The following SPAG16 variants were observed in gnomAD, a reference collection of about 807,000 sequenced individuals.
The protein encoded by SPAG16 is sperm associated antigen 16, also known as sperm-associated antigen 16 protein.
SPAG16 carries 86 observed loss-of-function variants against 80.4 expected under a neutral mutation model. The ratio of observed to expected loss-of-function variants is 1.07; its 90% CI spans 0.90 to 1.28. The LOEUF (loss-of-function observed/expected upper bound fraction) is 1.28, where lower values mean the gene tolerates loss of function less well. SPAG16 is among the 50% of genes most tolerant of loss of function. The pLI, the probability that SPAG16 is intolerant of heterozygous loss-of-function variation, is 0.00. For synonymous variants in SPAG16, 294 were observed against 265.9 expected (o/e 1.11, Z -1.03); for missense variants, 870 against 765.3 (o/e 1.14, Z -1.61).
chr2:213,656,121 G>A (rs2063211805), intron 10 of SPAG16, among the ~76,000 whole-genome samples: 1 of 152,246 alleles, frequency 6.6e-6, no homozygotes, highest in South Asian at 2.1e-4. Context: ...AGACTAAAGT[G>A]AGTATCTTTA....
At chr2:214,231,140 ACAG>A (rs1190559247) in intron 15 of SPAG16, among the ~76,000 whole-genome samples, 1 of 151,966 alleles carries the variant, frequency 6.6e-6, no homozygotes, top group Non-Finnish European at 1.5e-5. Context: ...ATGTCCCAGA[ACAG>A]TGCTTAATGG....
At chr2:213,838,524 A>G (rs568918207) in intron 10 of SPAG16, among the ~76,000 whole-genome samples, 63 of 152,358 alleles carry the variant, frequency 4.1e-4, no homozygotes, top group African/African-American at 1.4e-3. Flanking sequence ...ATTGTAGCCT[A>G]TACCTCATTG....
At chr2:214,392,604 C>G (rs1446906400) in intron 15 of SPAG16, among the ~76,000 whole-genome samples, 1 of 151,524 alleles carries the variant, frequency 6.6e-6, no homozygotes, top group South Asian at 2.1e-4. Context: ...ATGCATTTGA[C>G]CTGGGGAAGA....
chr2:213,647,506 G>A (rs1025096062), intron 10 of SPAG16, among the ~76,000 whole-genome samples: 21 of 152,202 alleles, frequency 1.4e-4, no homozygotes, highest in African/African-American at 5.1e-4. Flanking sequence ...CAGAGTAGGG[G>A]ATGGTGTGTT....
At chr2:214,177,916 C>CATATACATATATATATATATACATAT (rs2057154263) in intron 15 of SPAG16, among the ~76,000 whole-genome samples, 1 of 92,204 alleles carries the variant, frequency 1.1e-5, no homozygotes, top group African/African-American at 4.6e-5. Context: ...TATATATATA[C>CATATACATATATATATATATACATAT]ATATATATAT....
chr2:213,667,086 T>C (rs1004714259), intron 10 of SPAG16, among the ~76,000 whole-genome samples: 1 of 152,218 alleles, frequency 6.6e-6, no homozygotes, highest in Admixed American at 6.5e-5. Context: ...CCAAGTCATA[T>C]TCTTCTTTTT....
chr2:214,399,583 ATAT>A lies in SPAG16; in HGVS notation c.1721-10553_1721-10551del, dbSNP rs1260983870. Among the ~76,000 whole-genome samples, 7 of 152,184 alleles carry A rather than the reference ATAT, an allele frequency of 4.6e-5. No individual in the cohort carries two copies. In the East Asian group the frequency reaches 5.8e-4, roughly 13 times the overall value. ...GTACATTAAGAGAACAACTCCCAAA[ATAT>A]TATAACTCTGACTTTTAGAGTCTTA... On this transcript the variant is annotated intron_variant, in intron 15 of 15. Transcript: ENST00000331683.
intron 10 of SPAG16, among the ~76,000 whole-genome samples, chr2:213,804,656 T>C (rs1031750985): frequency 4.6e-5 from 7 of 152,016 alleles, no homozygotes; most frequent in Non-Finnish European, 4.4e-5. Context: ...GCAGTCCAGC[T>C]TGGGCGACAG....
At chr2:213,389,384 C>T (rs1297483217) in intron 9 of SPAG16, among the ~76,000 whole-genome samples, 1 of 151,992 alleles carries the variant, frequency 6.6e-6, no homozygotes, top group Non-Finnish European at 1.5e-5. Context: ...ACACAAAAGG[C>T]ACAGGCAACA....
At chr2:213,804,275 G>T (rs1473278942) in intron 10 of SPAG16, among the ~76,000 whole-genome samples, 1 of 152,146 alleles carries the variant, frequency 6.6e-6, no homozygotes, top group Admixed American at 6.5e-5. Context: ...ACAAACCCAT[G>T]CCTTAGGTGA....
intron 12 of SPAG16, among the ~76,000 whole-genome samples, chr2:213,951,321 TAGAAATG>T (rs2079766474): frequency 6.6e-6 from 1 of 152,166 alleles, no homozygotes; most frequent in Non-Finnish European, 1.5e-5. Flanking sequence ...AACATTCAAA[TAGAAATG>T]TCAATTATAA....
At position 214,291,557 on chromosome 2, in the gene SPAG16, G is replaced by A. The variant is rs575484281; in HGVS notation, c.1721-118583G>A. On this transcript the variant is annotated intron_variant, in intron 15 of 15. Coordinates refer to ENST00000331683, the MANE Select transcript of SPAG16 (RefSeq NM_024532.5). ...CCTGACCTCGTGATCCGCCCGCCTC[G>A]GCCTCCCAAAGTGCTGGGATTACAG... Among the ~76,000 whole-genome samples the A allele has an allele frequency of 1.2e-3, 183 of 151,732 alleles. 2 individuals are homozygous for A. Among genetic ancestry groups the A allele is most frequent in the African/African-American group, 4.2e-3 (175 of 41,396 alleles).
chr2:213,962,237 A>C (rs539244866), intron 12 of SPAG16, among the ~76,000 whole-genome samples: 1 of 149,036 alleles, frequency 6.7e-6, no homozygotes, highest in Admixed American at 6.8e-5. Context: ...TCTGTTGCCC[A>C]GGCTGGAGTG....
At chr2:214,343,068 A>G (rs184269894) in intron 15 of SPAG16, among the ~76,000 whole-genome samples, 31 of 152,350 alleles carry the variant, frequency 2.0e-4, no homozygotes, top group Middle Eastern at 3.4e-3. Flanking sequence ...ACATGTTACA[A>G]AATGGGAAGG....
chr2:213,914,924 A>G (rs1259616540), intron 11 of SPAG16, among the ~76,000 whole-genome samples: 1 of 152,284 alleles, frequency 6.6e-6, no homozygotes, highest in Admixed American at 6.5e-5. Context: ...ATTTTGTCCT[A>G]TTCTGTAGTG....
chr2:213,989,848 G>A (rs1488995771), intron 12 of SPAG16, among the ~76,000 whole-genome samples: 1 of 152,036 alleles, frequency 6.6e-6, no homozygotes, highest in East Asian at 1.9e-4. Flanking sequence ...AATGAGCCCA[G>A]AGTCCAAGCC....
At position 214,410,368 on chromosome 2, in the gene SPAG16, T is replaced by G; in HGVS notation, c.*53T>G. 1.3e-6 allele frequency: 2 copies of G among 1,502,534 alleles called. No individual in the cohort carries two copies. The highest frequency in any genetic ancestry group is 1.8e-6 in the Non-Finnish European group (2 of 1,108,174). The allele number at this position is 1,502,534 out of a possible 1,614,324, so 93.1% of individuals were successfully genotyped here. A position where few individuals can be genotyped will look rare whatever the true frequency, so the allele number is the denominator to read the frequency against. On this transcript the variant is annotated 3_prime_UTR_variant, in exon 16 of 16. Coordinates refer to ENST00000331683, the MANE Select transcript of SPAG16 (RefSeq NM_024532.5). ...ATTCCCTTTAAGGCTTGAAAATGCCTCCTGTAGTCCCAAACCAGCAAAGAA... is the reference window on the plus strand; with the variant it reads ...ATTCCCTTTAAGGCTTGAAAATGCCGCCTGTAGTCCCAAACCAGCAAAGAA...
chr2:213,714,365 A>C (rs924233794), intron 10 of SPAG16, among the ~76,000 whole-genome samples: 3 of 152,182 alleles, frequency 2.0e-5, no homozygotes, highest in African/African-American at 4.8e-5. Context: ...CCATCTTACA[A>C]TAATTCCAGT....
chr2:213,791,678 A>C (rs1054090368), intron 10 of SPAG16, among the ~76,000 whole-genome samples: 12 of 152,152 alleles, frequency 7.9e-5, no homozygotes, highest in African/African-American at 2.7e-4. Context: ...ACTTCAAATA[A>C]AAAAGTATTT....
Sources: gnomAD v4.1 joint callset for allele counts (sites outside exome capture counted in the v4.1 genomes callset) on GRCh38, gnomAD v4.1.1 for gene constraint, MANE v1.5 for transcripts, NCBI Gene and HGNC (gene_info 2026-07-23, HGNC 2026-07-21) for gene names.